Variants in CRISPLD2 observed in about 807,000 individuals in gnomAD.
CRISPLD2 encodes cysteine-rich secretory protein LCCL domain-containing 2.
Under a neutral mutation model 71.1 loss-of-function variants are expected in CRISPLD2, and 47 were observed. That is an observed-to-expected ratio of 0.66 (90% confidence interval 0.52 to 0.84). The LOEUF (loss-of-function observed/expected upper bound fraction) is 0.84. Among genes scored for constraint, CRISPLD2 ranks in the 40% least tolerant of loss-of-function variants. The pLI is 0.00. For synonymous variants in CRISPLD2, 317 were observed against 250.1 expected (o/e 1.27, Z -2.52); for missense variants, 830 against 651.1 (o/e 1.27, Z -2.99).
In CRISPLD2 at chr16:84,906,840, C is replaced by T. The variant is rs1597491419; in HGVS notation, c.*198C>T. ...AGCAACAGCATCCCAAGGTGCTCAG[C>T]CGGACTCCCTGGTGCCTGATCCTGC... On this transcript the variant is annotated 3_prime_UTR_variant, in exon 15 of 15. Transcript: ENST00000262424. The T allele has an allele frequency of 1.5e-6, 1 of 685,352 alleles. No homozygotes were observed. Among genetic ancestry groups the T allele is most frequent in the East Asian group, 2.8e-5 (1 of 36,004 alleles). 42.5% of individuals were successfully genotyped at this position (685,352 alleles called of 1,614,324 possible).
chr16:84,822,414 G>A (rs1426655943), intron 1 of CRISPLD2, among the ~76,000 whole-genome samples: 3 of 152,364 alleles, frequency 2.0e-5, no homozygotes, highest in South Asian at 4.1e-4. Context: ...AGGTCAGAAA[G>A]TTTTTGGAGG....
intron 14 of CRISPLD2, among the ~76,000 whole-genome samples, chr16:84,901,592 C>T (rs1412309368): frequency 6.6e-6 from 1 of 150,896 alleles, no homozygotes; most frequent in Non-Finnish European, 1.5e-5. Context: ...CTGCCTCAGC[C>T]TCCCGAGTAG....
At chr16:84,841,064 G>A (rs1373532280) in intron 2 of CRISPLD2, among the ~76,000 whole-genome samples, 8 of 152,192 alleles carry the variant, frequency 5.3e-5, no homozygotes. Flanking sequence ...GAGCACCTTC[G>A]ATGTGCCAGG....
At chr16:84,905,957 G>A (rs1050906015) in intron 14 of CRISPLD2, among the ~76,000 whole-genome samples, 9 of 151,944 alleles carry the variant, frequency 5.9e-5, no homozygotes, top group South Asian at 2.1e-4. Flanking sequence ...TGGTCCACCC[G>A]CCTCACTCCC....
At chr16:84,865,408 G>A (rs1416814328) in intron 6 of CRISPLD2, among the ~76,000 whole-genome samples, 1 of 152,100 alleles carries the variant, frequency 6.6e-6, no homozygotes, top group African/African-American at 2.4e-5. Flanking sequence ...CACCCGCCTC[G>A]GCTTCCCAAA....
intron 1 of CRISPLD2, among the ~76,000 whole-genome samples, chr16:84,826,827 C>G (rs1916364191): frequency 1.3e-5 from 2 of 151,982 alleles, no homozygotes; most frequent in Admixed American, 6.5e-5. Context: ...ACTTTGAAGG[C>G]TGCTGAGCCG....
At chr16:84,892,590 T>C (rs1180734051) in intron 14 of CRISPLD2, among the ~76,000 whole-genome samples, 2 of 152,128 alleles carry the variant, frequency 1.3e-5, no homozygotes, top group African/African-American at 4.8e-5. Context: ...AAAATGGGCT[T>C]ATCCTGAGCC....
At chr16:84,846,379 A>C (rs1309857455) in intron 3 of CRISPLD2, among the ~76,000 whole-genome samples, 2 of 152,072 alleles carry the variant, frequency 1.3e-5, no homozygotes, top group African/African-American at 4.8e-5. Context: ...CAGCCTCCCA[A>C]GTAGCTGGGA....
At chr16:84,888,676 C>A (rs186237641) in intron 13 of CRISPLD2, among the ~76,000 whole-genome samples, 5 of 152,350 alleles carry the variant, frequency 3.3e-5, no homozygotes, top group Non-Finnish European at 7.4e-5. Context: ...CTGTCTGTTT[C>A]TTGGATATGA....
At chr16:84,849,642 C>T in intron 4 of CRISPLD2, 125 bp downstream of exon 4, 1 of 991,012 alleles carries the variant, frequency 1.0e-6, no homozygotes, top group Non-Finnish European at 1.5e-6. Flanking sequence ...TTTAAAAATT[C>T]AGTTCTATAC....
intron 4 of CRISPLD2, 114 bp from the exon 5 acceptor site, chr16:84,850,454 C>A: frequency 1.3e-6 from 1 of 796,772 alleles, no homozygotes; most frequent in Non-Finnish European, 2.2e-6. Flanking sequence ...TCTGCTTCCC[C>A]AACCCTTCAC....
chr16:84,846,428 T>C (rs189408521), intron 3 of CRISPLD2, among the ~76,000 whole-genome samples: 1 of 152,146 alleles, frequency 6.6e-6, no homozygotes, highest in Admixed American at 6.5e-5. Context: ...AATTTTTGTA[T>C]TTTTTGGTAG....
intron 8 of CRISPLD2, among the ~76,000 whole-genome samples, chr16:84,870,608 C>T (rs1038018018): frequency 2.6e-5 from 4 of 152,246 alleles, no homozygotes; most frequent in Middle Eastern, 6.8e-3. Flanking sequence ...TGAGCCACTG[C>T]GCCTAGGCTG....
intron 2 of CRISPLD2, 89 bp from the exon 3 acceptor site, chr16:84,845,697 G>A (rs1916893663): frequency 3.4e-6 from 3 of 872,392 alleles, no homozygotes; most frequent in Non-Finnish European, 5.5e-6. Flanking sequence ...GGCTCCACAG[G>A]AGCCCAGGCT....
chr16:84,849,603 A>T, intron 4 of CRISPLD2, 86 bp downstream of exon 4: 1 of 1,417,286 alleles, frequency 7.1e-7, no homozygotes, highest in Non-Finnish European at 9.9e-7. Flanking sequence ...TCAAATCTGT[A>T]AAGCCTCTGC....
intron 6 of CRISPLD2, among the ~76,000 whole-genome samples, chr16:84,859,615 T>C (rs1917330180): frequency 6.6e-6 from 1 of 152,228 alleles, no homozygotes; most frequent in Non-Finnish European, 1.5e-5. Context: ...ATTCTCTGTT[T>C]TTATAATTCA....
At chr16:84,890,781 G>A (rs772307393) in intron 14 of CRISPLD2, among the ~76,000 whole-genome samples, 2 of 152,010 alleles carry the variant, frequency 1.3e-5, no homozygotes, top group Non-Finnish European at 2.9e-5. Flanking sequence ...GGCAACAAGA[G>A]CAAAACTCTG....
At chr16:84,823,427 G>A (rs1916275665) in intron 1 of CRISPLD2, among the ~76,000 whole-genome samples, 1 of 152,204 alleles carries the variant, frequency 6.6e-6, no homozygotes, top group South Asian at 2.1e-4. Context: ...TTATTGAGGA[G>A]ACTGTGGCCT....
intron 3 of CRISPLD2, 31 bp from the exon 4 acceptor site, chr16:84,849,343 AGGGGAGGGGCT>A: frequency 6.4e-7 from 1 of 1,566,098 alleles, no homozygotes; most frequent in Non-Finnish European, 8.7e-7. Flanking sequence ...CTGGTGGGTG[AGGGGAGGGGCT>A]GGGACTGAGT....
Sources: allele counts gnomAD v4.1 joint callset (sites outside exome capture counted in the v4.1 genomes callset), GRCh38; gene constraint gnomAD v4.1.1; transcripts MANE v1.5; gene names NCBI Gene and HGNC (gene_info 2026-07-23, HGNC 2026-07-21).